Variants in OSBP2 observed in about 807,000 individuals in gnomAD.
The protein encoded by OSBP2 is oxysterol-binding protein 2.
Under a neutral mutation model 96.0 loss-of-function variants are expected in OSBP2, and 66 were observed. The ratio of observed to expected loss-of-function variants is 0.69; its 90% CI spans 0.56 to 0.84. The LOEUF (loss-of-function observed/expected upper bound fraction) is 0.84. Ranked by LOEUF, OSBP2 falls within the 40% of genes least tolerant of loss-of-function variation. OSBP2 has a pLI of 0.00. For missense variants in OSBP2, 1,038 were observed against 1,222.7 expected, an observed-to-expected ratio of 0.85 and a Z score of 2.25; for synonymous variants, 525 against 520.9, an observed-to-expected ratio of 1.01 and a Z score of -0.11.
At chr22:30,698,155 A>G (rs1001047122) in intron 1 of OSBP2, among the ~76,000 whole-genome samples, 4 of 152,128 alleles carry the variant, frequency 2.6e-5, no homozygotes, top group Non-Finnish European at 5.9e-5. Context: ...GATGCGCCAA[A>G]TGTGCCCAGT....
chr22:30,711,935 T>C (rs1418833049), intron 1 of OSBP2, among the ~76,000 whole-genome samples: 1 of 152,028 alleles, frequency 6.6e-6, no homozygotes, highest in African/African-American at 2.4e-5. Flanking sequence ...AGAAAGACTT[T>C]GTCACTTTAT....
At chr22:30,905,793 G>A (rs368319910) in intron 12 of OSBP2, 44 bp from the exon 13 acceptor site, 44 of 1,604,518 alleles carry the variant, frequency 2.7e-5, no homozygotes, top group Middle Eastern at 1.7e-4. Context: ...GGTGTGGTCC[G>A]GCTCACACCG....
chr22:30,812,389 C>G (rs1057472316), intron 2 of OSBP2, among the ~76,000 whole-genome samples: 1 of 152,198 alleles, frequency 6.6e-6, no homozygotes, highest in African/African-American at 2.4e-5. Flanking sequence ...TAGTCTCAAA[C>G]TCCTGACCTC....
chr22:30,781,495 T>G (rs1389397317), intron 2 of OSBP2, among the ~76,000 whole-genome samples: 1 of 152,036 alleles, frequency 6.6e-6, no homozygotes, highest in African/African-American at 2.4e-5. Context: ...GTGTGTGTGT[T>G]TGTGGAGAGA....
intron 2 of OSBP2, among the ~76,000 whole-genome samples, chr22:30,807,500 C>G (rs1487000408): frequency 6.6e-6 from 1 of 152,308 alleles, no homozygotes; most frequent in East Asian, 1.9e-4. Flanking sequence ...GCTGACCCTT[C>G]CCTGGCCCAC....
chr22:30,887,091 TC>T (rs2039827147), intron 3 of OSBP2, among the ~76,000 whole-genome samples: 1 of 152,108 alleles, frequency 6.6e-6, no homozygotes. Context: ...GAGGATGACT[TC>T]CTGATGTTGC....
chr22:30,811,167 C>T (rs995729884), intron 2 of OSBP2, among the ~76,000 whole-genome samples: 1 of 146,538 alleles, frequency 6.8e-6, no homozygotes, highest in Non-Finnish European at 1.5e-5. Flanking sequence ...ATACACAACC[C>T]CCCCCCCACA....
At chr22:30,902,309 C>T (rs1011217445) in intron 12 of OSBP2, 22 of 1,580,610 alleles carry the variant, frequency 1.4e-5, no homozygotes, top group Admixed American at 1.3e-4. Flanking sequence ...AAGGAGTGTA[C>T]GGGTAGTCAG....
chr22:30,780,980 A>C (rs2090510927), intron 2 of OSBP2, among the ~76,000 whole-genome samples: 1 of 151,292 alleles, frequency 6.6e-6, no homozygotes, highest in Admixed American at 6.6e-5. Context: ...TAATATTTAA[A>C]ATTTTTTTTT....
chr22:30,723,038 G>A (rs1034778228), intron 1 of OSBP2, among the ~76,000 whole-genome samples: 2 of 151,838 alleles, frequency 1.3e-5, no homozygotes, highest in African/African-American at 2.4e-5. Context: ...CTCCTGCCTC[G>A]ACCTTCCAAA....
chr22:30,784,966 G>A (rs1323789444), intron 2 of OSBP2, among the ~76,000 whole-genome samples: 1 of 151,904 alleles, frequency 6.6e-6, no homozygotes, highest in Non-Finnish European at 1.5e-5. Context: ...TAGAAATGAG[G>A]TTTCACCACG....
At chr22:30,862,163 A>G (rs2039225326) in intron 2 of OSBP2, among the ~76,000 whole-genome samples, 1 of 152,234 alleles carries the variant, frequency 6.6e-6, no homozygotes, top group African/African-American at 2.4e-5. Context: ...CTGAGTGGGC[A>G]GAGCGTTGGC....
intron 1 of OSBP2, among the ~76,000 whole-genome samples, chr22:30,696,954 G>A (rs529890305): frequency 1.3e-5 from 2 of 152,042 alleles, no homozygotes; most frequent in Admixed American, 1.3e-4. Context: ...CCACCACACC[G>A]GCCTCTCCTG....
At chr22:30,771,164 C>G (rs908061646) in intron 2 of OSBP2, among the ~76,000 whole-genome samples, 1 of 152,204 alleles carries the variant, frequency 6.6e-6, no homozygotes, top group Non-Finnish European at 1.5e-5. Flanking sequence ...CTGCCATCGG[C>G]AGGAGGGCAG....
Position 30,870,174 on chromosome 22 carries a change from C to T in OSBP2, c.854-255C>T, listed in dbSNP as rs1356175972. Among the ~76,000 whole-genome samples, 1 of 152,192 alleles carries T rather than the reference C, an allele frequency of 6.6e-6. No individual in the cohort carries two copies. Among genetic ancestry groups the T allele is most frequent in the Non-Finnish European group, 1.5e-5 (1 of 68,028 alleles). ...GCCGCCTCCAAAGCCCAGTCCCGGC[C>T]CTGCCATTCAATCTGGGCTCTCTTT... is the stretch of plus-strand genomic sequence containing the variant. On this transcript the variant is annotated intron_variant, in intron 2 of 13. Transcript: ENST00000332585. The surrounding 1 kb of genome is among the most constrained non-coding windows in gnomAD (Gnocchi z 4.1).
intron 2 of OSBP2, among the ~76,000 whole-genome samples, chr22:30,812,287 T>C (rs1182477635): frequency 6.6e-6 from 1 of 152,194 alleles, no homozygotes; most frequent in Non-Finnish European, 1.5e-5. Flanking sequence ...TGCCTCAGCC[T>C]CCTGAGCAGC....
In OSBP2 at chr22:30,870,614, G is replaced by A. The variant is rs2039438460; in HGVS notation, c.1039G>A (p.Gly347Arg). The A allele has an allele frequency of 1.2e-6, 2 of 1,613,988 alleles. No individual in the cohort carries two copies. Among genetic ancestry groups the A allele is most frequent in the Non-Finnish European group, 1.7e-6 (2 of 1,179,996 alleles). The change falls in exon 3 of 14, where the codon GGG becomes AGG. Residue 347 changes from glycine (G) to arginine (R), a missense_variant. Gly to Arg is a moderately radical substitution (Grantham distance 125). This residue lies in a region of OSBP2 where 737 missense variants were observed against 913.3 expected (regional missense o/e 0.81). Transcript: ENST00000332585. This position sits in a 1 kb window ranked among gnomAD's most constrained non-coding sequence, Gnocchi z 4.1. ...CGGCCTCAAGATCCCATCTGAGAGT[G>A]GGGAGAAGCTGAAGGTGGTGAATGA... ...LDGLKIPSES[G>R]EKLKVVNERA...
chr22:30,869,887 G>A (rs923734362), intron 2 of OSBP2, among the ~76,000 whole-genome samples: 2 of 152,194 alleles, frequency 1.3e-5, no homozygotes, highest in African/African-American at 2.4e-5. Flanking sequence ...AAACAGGAGC[G>A]CTCAGGCCTT....
At chr22:30,783,513 G>A (rs1477191544) in intron 2 of OSBP2, among the ~76,000 whole-genome samples, 1 of 151,486 alleles carries the variant, frequency 6.6e-6, no homozygotes, top group Admixed American at 6.6e-5. Context: ...GTTGAGACGG[G>A]GTTTCACCAT....
Sources: allele counts gnomAD v4.1 joint callset (sites outside exome capture counted in the v4.1 genomes callset), GRCh38; gene constraint gnomAD v4.1.1; regional missense constraint gnomAD v4.1.1; non-coding constraint Gnocchi (gnomAD v3.1); transcripts MANE v1.5; gene names NCBI Gene and HGNC (gene_info 2026-07-23, HGNC 2026-07-21).